Variants in RDH11 observed in about 807,000 individuals in gnomAD.
The protein encoded by RDH11 is HCV core-binding protein HCBP12.
In RDH11, 19 loss-of-function variants were observed where a neutral mutation model predicts 33.4. That is an observed-to-expected ratio of 0.57 (90% confidence interval 0.40 to 0.83). The LOEUF (loss-of-function observed/expected upper bound fraction) is 0.83. RDH11 is among the 40% of genes least tolerant of loss of function. RDH11 has a pLI of 0.00. For missense variants in RDH11, 353 were observed against 389.0 expected, an observed-to-expected ratio of 0.91 and a Z score of 0.78; for synonymous variants, 154 against 155.3, an observed-to-expected ratio of 0.99 and a Z score of 0.06.
In RDH11 at chr14:67,677,363, A is replaced by ATTTTTTTT. The variant is rs71129846; in HGVS notation, c.*950_*957dup. ...TTTTTTTTGTTTGTTTGTTTTTAGG[A>ATTTTTTTT]TTTTTTTTTTTTTTTTTTTTTTTTT... On this transcript the variant is annotated 3_prime_UTR_variant, in exon 7 of 7. Transcript: ENST00000381346. The ATTTTTTTT allele has an allele frequency of 8.1e-4, 26 of 31,978 alleles. 4 individuals are homozygous for ATTTTTTTT. Among genetic ancestry groups the ATTTTTTTT allele is most frequent in the African/African-American group, 1.5e-3 (11 of 7,352 alleles). The allele number at this position is 31,978 out of a possible 1,614,324, so 2.0% of individuals were successfully genotyped here.
chr14:67,692,222 C>T (rs745809750), intron 3 of RDH11: 117 of 518,580 alleles, frequency 2.3e-4, no homozygotes, highest in Middle Eastern at 5.3e-4. Context: ...AGCTCTTACT[C>T]ACTGCTATGA....
chr14:67,678,875 G>C (rs535968760), intron 6 of RDH11, among the ~76,000 whole-genome samples: 3 of 152,050 alleles, frequency 2.0e-5, no homozygotes, highest in South Asian at 4.2e-4. Context: ...TGGACTCCTT[G>C]AAGTTATACT....
chr14:67,681,746 C>G (rs1431141677), intron 6 of RDH11, among the ~76,000 whole-genome samples: 1 of 151,946 alleles, frequency 6.6e-6, no homozygotes, highest in Non-Finnish European at 1.5e-5. Context: ...GGTCACAGAG[C>G]AAGATTCCGT....
rs71129846 is a variant in RDH11 at position 67,677,363 on chromosome 14, ATTTTTTTTTTTTTT to A, written c.*944_*957del. The A allele has an allele frequency of 2.5e-4, 8 of 31,968 alleles. No individual in the cohort carries two copies. The highest frequency in any genetic ancestry group is 1.7e-3 in the Admixed American group (3 of 1,756). The allele number at this position is 31,968 out of a possible 1,614,324, so 2.0% of individuals were successfully genotyped here. ...TTTTTTTTGTTTGTTTGTTTTTAGGATTTTTTTTTTTTTTTTTTTTTTTTTTTTTGCCACACTGG... is the reference window on the plus strand; with the variant it reads ...TTTTTTTTGTTTGTTTGTTTTTAGGATTTTTTTTTTTTTTTGCCACACTGG... On this transcript the variant is annotated 3_prime_UTR_variant, in exon 7 of 7. Transcript: ENST00000381346.
chr14:67,692,587 C>A lies in RDH11; in HGVS notation c.200G>T (p.Arg67Leu). ...CACATCCCGGCAAGCTAAATATACT[C>A]GAGCTCCTGTCAGCCAACATATGAA... ...TAKELAQRGA[R>L]VYLACRDVEK... Residue 67 changes from arginine (R) to leucine (L), a missense_variant, in exon 3 of 7, where the codon CGA becomes CTA. Arg to Leu is a moderately radical substitution (Grantham distance 102). Transcript: ENST00000381346. 1 of 1,572,246 alleles carries A rather than the reference C, an allele frequency of 6.4e-7. No homozygotes were observed. Among genetic ancestry groups the A allele is most frequent in the Non-Finnish European group, 8.6e-7 (1 of 1,162,190 alleles).
In RDH11 at chr14:67,678,098, T is replaced by C. The variant is rs575584283; in HGVS notation, c.*223A>G. Reference sequence around the variant, plus strand: ...TCTTCTTATCCTATTATGATATCTCTAGTAACTCTGGCAGTAACAGAAGCA... The same window carrying C: ...TCTTCTTATCCTATTATGATATCTCCAGTAACTCTGGCAGTAACAGAAGCA... On this transcript the variant is annotated 3_prime_UTR_variant, in exon 7 of 7. Coordinates refer to ENST00000381346, the MANE Select transcript of RDH11 (RefSeq NM_016026.4). 2.1e-5 allele frequency: 10 copies of C among 477,978 alleles called. No individual in the cohort carries two copies. The highest frequency in any genetic ancestry group is 1.4e-4 in the African/African-American group (7 of 50,928). 29.6% of individuals were successfully genotyped at this position (477,978 alleles called of 1,614,324 possible). A position where few individuals can be genotyped will look rare whatever the true frequency, so the allele number is the denominator to read the frequency against.
rs889623326 is a variant in RDH11 at position 67,690,421 on chromosome 14, C to T, written c.455G>A (p.Gly152Asp). ...CAGCAGATGGGTTAGGAGGAAGTGACCTGTTGAGAAATACTAGAATTAATG... is the reference window on the plus strand; with the variant it reads ...CAGCAGATGGGTTAGGAGGAAGTGATCTGTTGAGAAATACTAGAATTAATG... ...FEMHIGVNHL[G>D]HFLLTHLLLE... is the part of the protein sequence containing the mutation. Residue 152 changes from glycine to aspartate, a missense_variant and splice_region_variant, in exon 5 of 7, where the codon GGT becomes GAT. Gly to Asp is a moderately conservative substitution (Grantham distance 94, BLOSUM62 -1). Transcript: ENST00000381346. 7 of 1,613,758 alleles carry T rather than the reference C, an allele frequency of 4.3e-6. No homozygotes were observed. In the African/African-American group the frequency reaches 8.0e-5, roughly 18 times the overall value.
chr14:67,691,529 T>C, intron 3 of RDH11: 1 of 286,100 alleles, frequency 3.5e-6, no homozygotes, highest in Non-Finnish European at 6.5e-6. Flanking sequence ...TGCATCCACC[T>C]CTCTCAATAA....
In RDH11 at chr14:67,678,247, A is replaced by G; in HGVS notation, c.*74T>C. On this transcript the variant is annotated 3_prime_UTR_variant, in exon 7 of 7. Transcript: ENST00000381346. ...TGTGCTAAAGGTTTTGAAAACCTTG[A>G]AGGAGAATCATTTTGACAAGAAGTA... 2 of 1,018,310 alleles carry G rather than the reference A, an allele frequency of 2.0e-6. No homozygotes were observed. The highest frequency in any genetic ancestry group is 2.6e-5 in the South Asian group (2 of 75,606). The allele number at this position is 1,018,310 out of a possible 1,614,324, so 63.1% of individuals were successfully genotyped here. A position where few individuals can be genotyped will look rare whatever the true frequency, so the allele number is the denominator to read the frequency against.
In RDH11 at chr14:67,677,238, A is replaced by G. The variant is rs1023739202; in HGVS notation, c.*1083T>C. 8 of 152,192 alleles carry G rather than the reference A, an allele frequency of 5.3e-5. No individual in the cohort carries two copies. The highest frequency in any genetic ancestry group is 8.8e-5 in the Non-Finnish European group (6 of 68,034). 9.4% of individuals were successfully genotyped at this position (152,192 alleles called of 1,614,324 possible). A position where few individuals can be genotyped will look rare whatever the true frequency, so the allele number is the denominator to read the frequency against. Reference sequence around the variant, plus strand: ...ACAAAATTTTGGCACAGACATTTTAATCTTGTCAAGACAATGTAAGGAAAT... The same window carrying G: ...ACAAAATTTTGGCACAGACATTTTAGTCTTGTCAAGACAATGTAAGGAAAT... On this transcript the variant is annotated 3_prime_UTR_variant, in exon 7 of 7. Transcript: ENST00000381346.
intron 1 of RDH11, among the ~76,000 whole-genome samples, chr14:67,693,293 CAAG>C (rs2140084561): frequency 6.6e-6 from 1 of 152,304 alleles, no homozygotes; most frequent in East Asian, 1.9e-4. Flanking sequence ...CTCTGCAGCA[CAAG>C]AACTGGATGA....
chr14:67,680,931 T>C (rs1378821899), intron 6 of RDH11, among the ~76,000 whole-genome samples: 1 of 152,226 alleles, frequency 6.6e-6, no homozygotes, highest in Non-Finnish European at 1.5e-5. Context: ...GACATACAAA[T>C]GAACGGAACA....
At chr14:67,694,477 TACACACACACAC>T (rs59432236) in intron 1 of RDH11, among the ~76,000 whole-genome samples, 3 of 142,920 alleles carry the variant, frequency 2.1e-5, no homozygotes, top group African/African-American at 7.9e-5. Context: ...TATATATATA[TACACACACACAC>T]ATATATATAT....
At position 67,678,322 on chromosome 14, in the gene RDH11, T is replaced by TA. The variant is rs1189077785; in HGVS notation, c.955dup (p.Ter319LeufsTer33). On this transcript the variant is annotated frameshift_variant and stop_lost, in exon 7 of 7. Transcript: ENST00000381346. LOFTEE classifies it high-confidence loss of function. ...CTTGGGTCCAACTGGCACTGCCTGT[T>TA]AGTCTATTGGGAGGCCCAGCAGGTC... 4 of 1,602,806 alleles carry TA rather than the reference T, an allele frequency of 2.5e-6. No homozygotes were observed. The highest frequency in any genetic ancestry group is 1.7e-5 in the Admixed American group (1 of 60,006).
At chr14:67,693,554 C>T (rs963841510) in intron 1 of RDH11, among the ~76,000 whole-genome samples, 2 of 151,286 alleles carry the variant, frequency 1.3e-5, no homozygotes, top group Non-Finnish European at 2.9e-5. Flanking sequence ...CACATACACA[C>T]TTAAAACAAA....
chr14:67,680,337 G>C (rs997153559), intron 6 of RDH11, among the ~76,000 whole-genome samples: 2 of 152,202 alleles, frequency 1.3e-5, no homozygotes, highest in African/African-American at 4.8e-5. Flanking sequence ...CTCAGCCTTT[G>C]TAAGCCTCTG....
At chr14:67,688,866 T>C (rs977511972) in intron 5 of RDH11, among the ~76,000 whole-genome samples, 1 of 152,210 alleles carries the variant, frequency 6.6e-6, no homozygotes, top group Admixed American at 6.5e-5. Flanking sequence ...GAAGAGACTA[T>C]ACCTATCTTG....
At chr14:67,695,604 A>G (rs752354909) in intron 1 of RDH11, 26 bp downstream of exon 1, 6 of 1,601,452 alleles carry the variant, frequency 3.7e-6, no homozygotes, top group Non-Finnish European at 5.1e-6. Context: ...AGAATTCTCA[A>G]GAGAAGGCAA....
At chr14:67,692,305 G>T in intron 3 of RDH11, 133 bp downstream of exon 3, 1 of 855,606 alleles carries the variant, frequency 1.2e-6, no homozygotes, top group Non-Finnish European at 1.8e-6. Flanking sequence ...CAGTGACTAT[G>T]AGTTCAGCTA....
Sources: allele counts gnomAD v4.1 joint callset (sites outside exome capture counted in the v4.1 genomes callset), GRCh38; gene constraint gnomAD v4.1.1; transcripts MANE v1.5; gene names NCBI Gene and HGNC (gene_info 2026-07-23, HGNC 2026-07-21).